PLPPR5: variants seen among roughly 807,000 people sequenced by gnomAD.
PLPPR5 encodes phospholipid phosphatase related 5, also known as phospholipid phosphatase-related protein type 5.
In PLPPR5, 16 loss-of-function variants were observed where a neutral mutation model predicts 33.9. The ratio of observed to expected loss-of-function variants is 0.47; its 90% CI spans 0.32 to 0.72. PLPPR5 has a LOEUF of 0.72. PLPPR5 is among the 30% of genes least tolerant of loss of function. The pLI is 0.03. For missense variants in PLPPR5, 301 were observed against 406.7 expected (o/e 0.74, Z 2.23); for synonymous variants, 163 against 150.3 (o/e 1.08, Z -0.62).
At chr1:98,894,288 C>T (rs1648390194) in intron 5 of PLPPR5, among the ~76,000 whole-genome samples, 1 of 152,054 alleles carries the variant, frequency 6.6e-6, no homozygotes, top group East Asian at 1.9e-4. Flanking sequence ...AATTCAGTAG[C>T]TCATCTGTAA....
chr1:98,890,335 G>GA lies in PLPPR5; in HGVS notation c.*2736dup, dbSNP rs1184784252. On this transcript the variant is annotated 3_prime_UTR_variant, in exon 6 of 6. Transcript: ENST00000263177. Reference sequence around the variant, plus strand: ...CCTCCCCTACTGTTCTTTCACAAAGGAAACTGTATGGTAAATGTAACTGAG... The same window carrying GA: ...CCTCCCCTACTGTTCTTTCACAAAGGAAAACTGTATGGTAAATGTAACTGAG... 1 of 152,416 alleles carries GA rather than the reference G, an allele frequency of 6.6e-6. No individual in the cohort carries two copies. The highest frequency in any genetic ancestry group is 1.9e-4 in the East Asian group (1 of 5,188). The allele number at this position is 152,416 out of a possible 1,614,324, so 9.4% of individuals were successfully genotyped here.
At chr1:98,931,509 T>G (rs1463727482) in intron 3 of PLPPR5, among the ~76,000 whole-genome samples, 2 of 152,166 alleles carry the variant, frequency 1.3e-5, no homozygotes, top group Non-Finnish European at 2.9e-5. Context: ...ACAGAGCCCA[T>G]GCTCTAACAA....
intron 3 of PLPPR5, among the ~76,000 whole-genome samples, chr1:98,923,522 ATTTT>A (rs111575797): frequency 6.8e-6 from 1 of 147,358 alleles, no homozygotes; most frequent in African/African-American, 2.5e-5. Flanking sequence ...TATCTTCTCT[ATTTT>A]TTTTTTTCTG....
chr1:98,947,037 G>T (rs757393684), intron 3 of PLPPR5, among the ~76,000 whole-genome samples: 3 of 152,110 alleles, frequency 2.0e-5, no homozygotes, highest in Non-Finnish European at 2.9e-5. Flanking sequence ...TCCTAGAATA[G>T]AAAGTCCTCT....
chr1:98,901,285 A>T (rs1422078049), intron 5 of PLPPR5, among the ~76,000 whole-genome samples: 1 of 152,154 alleles, frequency 6.6e-6, no homozygotes, highest in Non-Finnish European at 1.5e-5. Context: ...GGTTTCTCGA[A>T]GTTGGAGATT....
intron 5 of PLPPR5, among the ~76,000 whole-genome samples, chr1:98,903,539 C>A (rs146876989): frequency 4.2e-4 from 64 of 152,124 alleles, no homozygotes; most frequent in African/African-American, 1.4e-3. Context: ...TTTTATACTA[C>A]AGTATTTCCT....
chr1:98,993,148 G>T (rs1222292767), intron 1 of PLPPR5, among the ~76,000 whole-genome samples: 1 of 152,118 alleles, frequency 6.6e-6, no homozygotes, highest in Non-Finnish European at 1.5e-5. Flanking sequence ...TAACTCATTA[G>T]TTGCATAACC....
chr1:98,934,481 C>T (rs1570711509), intron 3 of PLPPR5, among the ~76,000 whole-genome samples: 1 of 152,234 alleles, frequency 6.6e-6, no homozygotes, highest in East Asian at 1.9e-4. Flanking sequence ...TTCATTCCCA[C>T]ACTCATTTAT....
intron 3 of PLPPR5, among the ~76,000 whole-genome samples, chr1:98,947,984 C>A (rs187872866): frequency 6.6e-6 from 1 of 152,280 alleles, no homozygotes; most frequent in East Asian, 1.9e-4. Flanking sequence ...GAGGAATGGC[C>A]TTCTGATGGC....
At chr1:98,939,822 A>G (rs569009282) in intron 3 of PLPPR5, among the ~76,000 whole-genome samples, 12 of 151,988 alleles carry the variant, frequency 7.9e-5, no homozygotes, top group Admixed American at 5.2e-4. Flanking sequence ...AGGTTCTATC[A>G]GTTCCTGCTC....
At chr1:98,918,631 G>GA (rs1006369794) in intron 4 of PLPPR5, among the ~76,000 whole-genome samples, 24 of 151,968 alleles carry the variant, frequency 1.6e-4, no homozygotes, top group African/African-American at 5.3e-4. Context: ...AGAAATTCAG[G>GA]AAAAAATGGA....
chr1:98,990,398 A>G (rs1431894332), intron 1 of PLPPR5, among the ~76,000 whole-genome samples: 3 of 152,008 alleles, frequency 2.0e-5, no homozygotes, highest in East Asian at 3.9e-4. Context: ...AACAAAAAAC[A>G]AAAAAAGAAA....
intron 1 of PLPPR5, among the ~76,000 whole-genome samples, chr1:99,001,629 C>A (rs1652846818): frequency 7.1e-6 from 1 of 140,514 alleles, no homozygotes; most frequent in Non-Finnish European, 1.5e-5. Flanking sequence ...AACGACTTTT[C>A]AAAATTACTC....
intron 3 of PLPPR5, among the ~76,000 whole-genome samples, chr1:98,947,924 AG>A (rs1366446749): frequency 6.6e-6 from 1 of 152,244 alleles, no homozygotes; most frequent in African/African-American, 2.4e-5. Context: ...TTTAGAGCAC[AG>A]GGACCTTATA....
rs1653011030 is a variant in PLPPR5, at chr1:99,004,728, C to A, written c.-57G>T. 6.7e-6 allele frequency: 8 copies of A among 1,199,932 alleles called. No individual in the cohort carries two copies. The highest frequency in any genetic ancestry group is 3.2e-5 in the East Asian group (1 of 31,058). The allele number at this position is 1,199,932 out of a possible 1,614,324, so 74.3% of individuals were successfully genotyped here. ...GAGCGGGCGGTCGACGCGGTGGGCC[C>A]CCTCCCCGGTCCGCCGAGGCAGCCA... On this transcript the variant is annotated 5_prime_UTR_variant, in exon 1 of 6. Coordinates refer to ENST00000263177, the MANE Select transcript of PLPPR5 (RefSeq NM_001037317.2).
chr1:98,975,495 G>A (rs963703021), intron 1 of PLPPR5, among the ~76,000 whole-genome samples: 11 of 152,048 alleles, frequency 7.2e-5, no homozygotes, highest in African/African-American at 2.7e-4. Context: ...AATATTTGTT[G>A]CCAATATTTG....
chr1:98,942,818 G>A (rs1396977800), intron 3 of PLPPR5, among the ~76,000 whole-genome samples: 1 of 152,180 alleles, frequency 6.6e-6, no homozygotes, highest in Non-Finnish European at 1.5e-5. Flanking sequence ...CTCATTCACT[G>A]AGGCATCAGA....
chr1:98,913,694 G>A (rs754369174), intron 5 of PLPPR5, among the ~76,000 whole-genome samples: 1 of 152,074 alleles, frequency 6.6e-6, no homozygotes, highest in Non-Finnish European at 1.5e-5. Flanking sequence ...TACACAATCA[G>A]AACACCTGAT....
chr1:98,983,509 C>G (rs1256024935), intron 1 of PLPPR5, among the ~76,000 whole-genome samples: 5 of 146,480 alleles, frequency 3.4e-5, no homozygotes, highest in Admixed American at 1.4e-4. Context: ...TGGGTTGGTT[C>G]CAAGTCTTTG....
Sources: allele counts gnomAD v4.1 joint callset (sites outside exome capture counted in the v4.1 genomes callset), GRCh38; gene constraint gnomAD v4.1.1; transcripts MANE v1.5; gene names NCBI Gene and HGNC (gene_info 2026-07-23, HGNC 2026-07-21).